PLD5: variants seen among roughly 807,000 people sequenced by gnomAD.
PLD5 encodes the protein phospholipase D family member 5.
In PLD5, 36 loss-of-function variants were observed where a neutral mutation model predicts 61.1. That is an observed-to-expected ratio of 0.59 (90% CI 0.45 to 0.78). The LOEUF (loss-of-function observed/expected upper bound fraction) is 0.78. Among genes scored for constraint, PLD5 ranks in the 30% least tolerant of loss-of-function variants. The pLI is 0.00. For synonymous variants in PLD5, 243 were observed against 242.8 expected, an observed-to-expected ratio of 1.00 and a Z score of -0.01; for missense variants, 515 against 644.4, an observed-to-expected ratio of 0.80 and a Z score of 2.17.
intron 5 of PLD5, among the ~76,000 whole-genome samples, chr1:242,171,563 G>C (rs1400120831): frequency 6.6e-6 from 1 of 152,012 alleles, no homozygotes; most frequent in Non-Finnish European, 1.5e-5. Flanking sequence ...AATGTAAACA[G>C]GCTAAAGACC....
chr1:242,202,429 C>G (rs1412883548), intron 5 of PLD5, among the ~76,000 whole-genome samples: 1 of 152,090 alleles, frequency 6.6e-6, no homozygotes, highest in Non-Finnish European at 1.5e-5. Context: ...GAAACCACAG[C>G]TACTTTAACT....
chr1:242,477,321 G>C (rs943377392), intron 1 of PLD5, among the ~76,000 whole-genome samples: 1 of 152,136 alleles, frequency 6.6e-6, no homozygotes, highest in Non-Finnish European at 1.5e-5. Flanking sequence ...GCATGGTGTT[G>C]TTAGCTGAGT....
intron 2 of PLD5, among the ~76,000 whole-genome samples, chr1:242,300,788 G>A (rs531439653): frequency 2.5e-4 from 38 of 152,026 alleles, no homozygotes; most frequent in African/African-American, 4.6e-4. Context: ...TTAGAAGACC[G>A]CTGCGATAGC....
intron 2 of PLD5, among the ~76,000 whole-genome samples, chr1:242,294,802 T>C (rs1344179469): frequency 6.6e-6 from 1 of 152,134 alleles, no homozygotes; most frequent in African/African-American, 2.4e-5. Context: ...GACTTATAAT[T>C]GAAAAAAATG....
intron 1 of PLD5, among the ~76,000 whole-genome samples, chr1:242,350,066 C>T (rs1418075017): frequency 6.6e-6 from 1 of 151,864 alleles, no homozygotes; most frequent in Non-Finnish European, 1.5e-5. Context: ...AAAAAAAAGG[C>T]CTTAAAGAGC....
intron 4 of PLD5, among the ~76,000 whole-genome samples, chr1:242,225,642 A>G (rs1438695570): frequency 1.3e-5 from 2 of 151,742 alleles, no homozygotes; most frequent in African/African-American, 2.4e-5. Context: ...GTGATATTTC[A>G]TGGTATGGAA....
intron 1 of PLD5, among the ~76,000 whole-genome samples, chr1:242,466,530 T>C (rs929986183): frequency 6.6e-6 from 1 of 152,306 alleles, no homozygotes; most frequent in Admixed American, 6.5e-5. Flanking sequence ...TGGATGAACC[T>C]GTACGACATT....
At position 242,256,686 on chromosome 1, in the gene PLD5, G is replaced by A. The variant is rs974342068; in HGVS notation, c.607+8651C>T. Among the ~76,000 whole-genome samples the A allele has an allele frequency of 6.6e-6, 1 of 152,026 alleles. No homozygotes were observed. The highest frequency in any genetic ancestry group is 1.5e-5 in the Non-Finnish European group (1 of 68,014). ...CCCCAGAACTGTGAAAAAATAAGTG[G>A]CTGTTCTTTATAAATTGCCCAGTCT... On this transcript the variant is annotated intron_variant, in intron 4 of 9. Transcript: ENST00000536534. This position sits in a 1 kb window ranked among gnomAD's most constrained non-coding sequence, Gnocchi z 5.7.
At chr1:242,322,594 G>T (rs1418901229) in intron 2 of PLD5, among the ~76,000 whole-genome samples, 1 of 152,186 alleles carries the variant, frequency 6.6e-6, no homozygotes, top group Non-Finnish European at 1.5e-5. Flanking sequence ...CTTGTCAGAG[G>T]TCTGGTGGGA....
At chr1:242,345,282 T>C (rs986063761) in intron 2 of PLD5, among the ~76,000 whole-genome samples, 1 of 152,182 alleles carries the variant, frequency 6.6e-6, no homozygotes, top group Non-Finnish European at 1.5e-5. Flanking sequence ...TTCCCCAAGC[T>C]TACAGTTAGT....
chr1:242,526,614 T>G (rs925208888), upstream of PLD5, among the ~76,000 whole-genome samples: 12 of 152,132 alleles, frequency 7.9e-5, no homozygotes, highest in African/African-American at 2.4e-4. Flanking sequence ...TTTTGTACTT[T>G]TAGTGGAGAC....
rs1478847423 is a variant in PLD5, at chr1:242,395,012, T to TG, written c.190-46771_190-46770insC. ...GAATATATATGTATATATGAATATA[T>TG]ATGAATATATATGTATATATGAATG... is the stretch of plus-strand genomic sequence containing the variant. On this transcript the variant is annotated intron_variant, in intron 1 of 9. Transcript: ENST00000536534. Among the ~76,000 whole-genome samples the TG allele has an allele frequency of 7.3e-4, 103 of 141,814 alleles. 2 individuals are homozygous for TG. The highest frequency in any genetic ancestry group is 2.5e-3 in the African/African-American group (95 of 38,228). The allele number at this position is 141,814 out of a possible 152,430, so 93.0% of individuals were successfully genotyped here.
chr1:242,411,984 T>C (rs1012880749), intron 1 of PLD5, among the ~76,000 whole-genome samples: 15 of 152,008 alleles, frequency 9.9e-5, no homozygotes, highest in Admixed American at 2.6e-4. Flanking sequence ...AATGGGTACA[T>C]ACTGTGAGAC....
At chr1:242,285,095 C>T (rs1288279673) in intron 3 of PLD5, among the ~76,000 whole-genome samples, 5 of 152,320 alleles carry the variant, frequency 3.3e-5, no homozygotes, top group African/African-American at 4.8e-5. Flanking sequence ...GTGAGTTCAA[C>T]GATAGTTAGG....
intron 6 of PLD5, among the ~76,000 whole-genome samples, chr1:242,122,369 C>T (rs1662451402): frequency 6.6e-6 from 1 of 152,218 alleles, no homozygotes; most frequent in Non-Finnish European, 1.5e-5. Flanking sequence ...AAGGTTGAAA[C>T]TGTAAATTCA....
At chr1:242,439,761 G>A (rs888037223) in intron 1 of PLD5, among the ~76,000 whole-genome samples, 1 of 152,136 alleles carries the variant, frequency 6.6e-6, no homozygotes, top group Admixed American at 6.5e-5. Flanking sequence ...GAACTCAGGA[G>A]CTTTTTGTTA....
intron 5 of PLD5, among the ~76,000 whole-genome samples, chr1:242,127,096 CA>C (rs1487453607): frequency 6.6e-6 from 1 of 152,142 alleles, no homozygotes; most frequent in African/African-American, 2.4e-5. Context: ...ACCAAAGCCA[CA>C]ATGTGATACC....
intron 2 of PLD5, among the ~76,000 whole-genome samples, chr1:242,300,597 A>G (rs554689954): frequency 1.3e-5 from 2 of 152,188 alleles, no homozygotes; most frequent in East Asian, 3.9e-4. Flanking sequence ...GGGGTTGGTG[A>G]AGAGTTAAAT....
chr1:242,179,759 C>T (rs1453026365), intron 5 of PLD5, among the ~76,000 whole-genome samples: 1 of 152,086 alleles, frequency 6.6e-6, no homozygotes, highest in African/African-American at 2.4e-5. Flanking sequence ...AAAAATTAGC[C>T]GGGCATGGTG....
Sources: allele counts gnomAD v4.1 joint callset (sites outside exome capture counted in the v4.1 genomes callset), GRCh38; gene constraint gnomAD v4.1.1; non-coding constraint Gnocchi (gnomAD v3.1); transcripts MANE v1.5; gene names NCBI Gene and HGNC (gene_info 2026-07-23, HGNC 2026-07-21).